Variants in THBS1 observed in about 807,000 individuals in gnomAD.
The protein encoded by THBS1 is thrombospondin 1.
A neutral mutation model predicts 126.1 loss-of-function variants in THBS1; 29 were observed. The ratio of observed to expected loss-of-function variants is 0.23; its 90% confidence interval spans 0.17 to 0.31. The LOEUF (loss-of-function observed/expected upper bound fraction) is 0.31. Ranked by LOEUF, THBS1 falls within the 10% of genes least tolerant of loss-of-function variation. The probability of loss-of-function intolerance (pLI) is 1.00; values close to 1 mark genes in which losing one functional copy is unlikely to be tolerated. For synonymous variants in THBS1, 496 were observed against 577.8 expected (o/e 0.86, Z 2.03); for missense variants, 1,198 against 1,545.2 (o/e 0.78, Z 3.77).
rs2140342010 is a variant in THBS1, at chr15:39,581,750, T to C, written c.-29-79T>C. The C allele has an allele frequency of 4.8e-6, 4 of 835,238 alleles. 1 individual carries two copies. In the East Asian group the frequency reaches 8.1e-5, roughly 17 times the overall value. The allele number at this position is 835,238 out of a possible 1,614,324, so 51.7% of individuals were successfully genotyped here. A position where few individuals can be genotyped will look rare whatever the true frequency, so the allele number is the denominator to read the frequency against. Reference sequence around the variant, plus strand: ...AGGGATGGTCCCGGCCCTGTCCCCATGCCCAGCCCCGTTTCTGCGCACCGT... The same window carrying C: ...AGGGATGGTCCCGGCCCTGTCCCCACGCCCAGCCCCGTTTCTGCGCACCGT... On this transcript the variant is annotated intron_variant, in intron 1 of 21. Transcript: ENST00000260356.
At chr15:39,588,792 G>C in intron 10 of THBS1, 93 bp downstream of exon 10, 1 of 1,566,884 alleles carries the variant, frequency 6.4e-7, no homozygotes, top group Non-Finnish European at 8.7e-7. Flanking sequence ...AGCTTGGTTA[G>C]TCCTGAGCGA....
chr15:39,582,999 C>T (rs1325562211), intron 3 of THBS1, among the ~76,000 whole-genome samples: 3 of 152,174 alleles, frequency 2.0e-5, no homozygotes, highest in Non-Finnish European at 2.9e-5. Context: ...CTGGGAAGCA[C>T]ACTTTGAAAA....
chr15:39,587,895 A>C (rs1890239285), intron 8 of THBS1, 147 bp from the exon 9 acceptor site: 1 of 726,320 alleles, frequency 1.4e-6, no homozygotes, highest in East Asian at 2.6e-5. Context: ...ACATTTGGGC[A>C]TGTGGCCAGG....
Position 39,583,687 on chromosome 15 carries a change from C to A in THBS1, c.698C>A (p.Ser233Tyr), listed in dbSNP as rs753856874. 2.7e-5 allele frequency: 44 copies of A among 1,613,660 alleles called. No individual in the cohort carries two copies. The South Asian group carries it at 3.1e-4, about 11-fold the overall frequency. ...PEDILRNKGCSSSTSVLLTLD... is the reference protein window; with the variant it reads ...PEDILRNKGCYSSTSVLLTLD... ...GACATCCTCAGGAACAAAGGCTGCTCCAGCTGTGAGTACCCCTCTATTTTT... is the reference window on the plus strand; with the variant it reads ...GACATCCTCAGGAACAAAGGCTGCTACAGCTGTGAGTACCCCTCTATTTTT... Residue 233 changes from serine to tyrosine, a missense_variant, in exon 4 of 22, where the codon TCC becomes TAC. Around this residue, in one of 4 missense-constraint regions of THBS1, gnomAD observed 663 missense variants for 860.1 expected, o/e 0.77. Coordinates refer to ENST00000260356, the MANE Select transcript of THBS1 (RefSeq NM_003246.4).
In THBS1 at chr15:39,588,740, G is replaced by T. The variant is rs2292304; in HGVS notation, c.1645+41G>T. 13,220 of 1,550,226 alleles carry T rather than the reference G, an allele frequency of 8.5e-3. 1,197 individuals are homozygous for T. The East Asian group carries it at 0.22, about 26-fold the overall frequency. On this transcript the variant is annotated intron_variant, in intron 10 of 21. Coordinates refer to ENST00000260356, the MANE Select transcript of THBS1 (RefSeq NM_003246.4). ...CAGGATGAAACGACCCAGGAGCTTTGCTCTTTTACTGAATGCTGCAGTCAG... is the reference window on the plus strand; with the variant it reads ...CAGGATGAAACGACCCAGGAGCTTTTCTCTTTTACTGAATGCTGCAGTCAG...
intron 14 of THBS1, chr15:39,590,929 T>G (rs781168033): frequency 1.8e-6 from 1 of 544,108 alleles, no homozygotes; most frequent in Non-Finnish European, 3.2e-6. Context: ...TACAGTAAAA[T>G]TGACTTTGGG....
rs1352674569 is a variant in THBS1, at chr15:39,588,146, C to A, written c.1399C>A (p.Pro467Thr). 1 of 1,614,100 alleles carries A rather than the reference C, an allele frequency of 6.2e-7. No individual in the cohort carries two copies. The highest frequency in any genetic ancestry group is 8.5e-7 in the Non-Finnish European group (1 of 1,180,058). ...TRIRLCNSPS[P>T]QMNGKPCEGE... is the part of the protein sequence containing the mutation. The stretch of plus-strand genomic sequence containing the variant: ...GATCCGGCTCTGCAACTCTCCCAGC[C>A]CCCAGATGAACGGGAAACCCTGTGA... Residue 467 changes from proline to threonine, a missense_variant, in exon 9 of 22, where the codon CCC (proline) becomes ACC (threonine). Around this residue, in one of 4 missense-constraint regions of THBS1, gnomAD observed 663 missense variants for 860.1 expected, o/e 0.77. Coordinates refer to ENST00000260356, the MANE Select transcript of THBS1 (RefSeq NM_003246.4).
intron 16 of THBS1, 89 bp downstream of exon 16, chr15:39,591,712 A>C: frequency 8.2e-7 from 1 of 1,214,398 alleles, no homozygotes; most frequent in East Asian, 2.3e-5. Flanking sequence ...AACAAAGTTC[A>C]AACACTTTCA....
Position 39,595,380 on chromosome 15 carries a change from G to T in THBS1, c.*11G>T. ...TTAACAGATCCCTAATCATCAAATT[G>T]TTGATTGAAAGACTGATCATAAACC... is the stretch of plus-strand genomic sequence containing the variant. On this transcript the variant is annotated 3_prime_UTR_variant, in exon 22 of 22. Transcript: ENST00000260356. 1 of 1,488,932 alleles carries T rather than the reference G, an allele frequency of 6.7e-7. No homozygotes were observed. The highest frequency in any genetic ancestry group is 9.0e-7 in the Non-Finnish European group (1 of 1,116,212). The allele number at this position is 1,488,932 out of a possible 1,614,324, so 92.2% of individuals were successfully genotyped here.
intron 8 of THBS1, 87 bp downstream of exon 8, chr15:39,587,607 G>T: frequency 1.5e-6 from 2 of 1,355,884 alleles, no homozygotes; most frequent in Non-Finnish European, 1.0e-6. Context: ...TGTATATTAA[G>T]AACACGGGTT....
At position 39,587,205 on chromosome 15, in the gene THBS1, T is replaced by C. The variant is rs982146804; in HGVS notation, c.1121-142T>C. 20 of 693,074 alleles carry C rather than the reference T, an allele frequency of 2.9e-5. 1 individual carries two copies. The highest frequency in any genetic ancestry group is 1.8e-4 in the South Asian group (7 of 39,620). The allele number at this position is 693,074 out of a possible 1,614,324, so 42.9% of individuals were successfully genotyped here. On this transcript the variant is annotated intron_variant, in intron 7 of 21. Transcript: ENST00000260356. Reference sequence around the variant, plus strand: ...ACACCTTAAATGTATATAATATTTGTCAATTATACCTCAGTAAAGCCAAAA... The same window carrying C: ...ACACCTTAAATGTATATAATATTTGCCAATTATACCTCAGTAAAGCCAAAA...
rs370618048 is a variant in THBS1, at chr15:39,581,594, G to C, written c.-29-235G>C. 143 of 414,014 alleles carry C rather than the reference G, an allele frequency of 3.5e-4. No individual in the cohort carries two copies. The East Asian group carries it at 5.0e-3, about 15-fold the overall frequency. 25.6% of individuals were successfully genotyped at this position (414,014 alleles called of 1,614,324 possible). ...ACTTCCCAAAAGCCCCCAAATTGTTGGTCTTGCGCCCCCCACACTTTAAAA... is the reference window on the plus strand; with the variant it reads ...ACTTCCCAAAAGCCCCCAAATTGTTCGTCTTGCGCCCCCCACACTTTAAAA... On this transcript the variant is annotated intron_variant, in intron 1 of 21. Coordinates refer to ENST00000260356, the MANE Select transcript of THBS1 (RefSeq NM_003246.4).
At position 39,589,482 on chromosome 15, in the gene THBS1, T is replaced by A; in HGVS notation, c.1926+128T>A. On this transcript the variant is annotated intron_variant, in intron 12 of 21. Transcript: ENST00000260356. The surrounding 1 kb of genome is among the most constrained non-coding windows in gnomAD (Gnocchi z 4.7). The stretch of plus-strand genomic sequence containing the variant: ...AAAGGGCGAGGAGATGAATGTACGG[T>A]CTAGTTTTAGAAACGTGATTAGAAA... The A allele has an allele frequency of 1.6e-6, 2 of 1,251,846 alleles. No individual in the cohort carries two copies. The highest frequency in any genetic ancestry group is 2.2e-6 in the Non-Finnish European group (2 of 925,970). 77.5% of individuals were successfully genotyped at this position (1,251,846 alleles called of 1,614,324 possible).
chr15:39,585,872 T>C (rs1890199491), intron 7 of THBS1, among the ~76,000 whole-genome samples: 1 of 152,232 alleles, frequency 6.6e-6, no homozygotes, highest in South Asian at 2.1e-4. Flanking sequence ...CTAAGTTGAC[T>C]GCTTTTAGAA....
chr15:39,582,393 C>T lies in THBS1; in HGVS notation c.268C>T (p.Leu90Phe). The change falls in exon 3 of 22, where the codon CTT becomes TTT. Residue 90 changes from leucine to phenylalanine, a missense_variant. Transcript: ENST00000260356. ...DAVRAEKGFL[L>F]LASLRQMKKT... ...TGTGCGGGCAGAAAAGGGTTTCCTC[C>T]TTCTGGCATCCCTGAGGCAGATGAA... The T allele has an allele frequency of 6.2e-7, 1 of 1,614,158 alleles. No individual in the cohort carries two copies. The highest frequency in any genetic ancestry group is 1.1e-5 in the South Asian group (1 of 91,082).
intron 1 of THBS1, chr15:39,581,628 T>A: frequency 2.2e-6 from 1 of 450,886 alleles, no homozygotes; most frequent in East Asian, 3.3e-5. Context: ...AACCAGCATC[T>A]CTTTCCTCCA....
rs564666170 is a variant in THBS1 at position 39,597,639 on chromosome 15, A to C, written c.*2270A>C. On this transcript the variant is annotated 3_prime_UTR_variant, in exon 22 of 22. Coordinates refer to ENST00000260356, the MANE Select transcript of THBS1 (RefSeq NM_003246.4). The stretch of plus-strand genomic sequence containing the variant: ...GACTGAGTTGCTCAGGCCTAGGCTT[A>C]GAATTTGCTGCGTTTGTGGAATAAA... 10 of 152,350 alleles carry C rather than the reference A, an allele frequency of 6.6e-5. No individual in the cohort carries two copies. Among genetic ancestry groups the C allele is most frequent in the Admixed American group, 3.9e-4 (6 of 15,306 alleles). 9.4% of individuals were successfully genotyped at this position (152,350 alleles called of 1,614,324 possible).
At chr15:39,587,232 G>T (rs1595508680) in intron 7 of THBS1, 115 bp from the exon 8 acceptor site, 3 of 1,045,982 alleles carry the variant, frequency 2.9e-6, no homozygotes, top group East Asian at 2.6e-5. Flanking sequence ...AAGCCAAAAA[G>T]AAATAAATAT....
chr15:39,591,499 C>T lies in THBS1; in HGVS notation c.2414-6C>T. On this transcript the variant is annotated splice_polypyrimidine_tract_variant and splice_region_variant and intron_variant, in intron 15 of 21. Transcript: ENST00000260356. ...CCAGCTCTTATTTGTCCCTTGTTCT[C>T]TTCAGGTATCCTCAATGAACGGGAC... 1.2e-6 allele frequency: 2 copies of T among 1,613,984 alleles called. No individual in the cohort carries two copies. The highest frequency in any genetic ancestry group is 1.7e-6 in the Non-Finnish European group (2 of 1,179,870).
Sources: gnomAD v4.1 joint callset for allele counts (sites outside exome capture counted in the v4.1 genomes callset) on GRCh38, gnomAD v4.1.1 for gene constraint, gnomAD v4.1.1 regional missense constraint, Gnocchi (gnomAD v3.1) non-coding constraint, MANE v1.5 for transcripts, NCBI Gene and HGNC (gene_info 2026-07-23, HGNC 2026-07-21) for gene names.